The following ZNF695 variants were observed in gnomAD, a reference collection of about 807,000 sequenced individuals.
ZNF695 encodes zinc finger protein SBZF3.
A neutral mutation model predicts 11.2 loss-of-function variants in ZNF695; 11 were observed. The observed-to-expected ratio is 0.98, with a 90% CI of 0.62 to 1.62. The LOEUF is 1.62. ZNF695 is among the 40% of genes most tolerant of loss of function. The pLI is 0.00. For synonymous variants in ZNF695, 190 were observed against 201.4 expected (o/e 0.94, Z 0.48); for missense variants, 559 against 590.5 (o/e 0.95, Z 0.55).
At chr1:246,948,230 C>G (rs566837806) in intron 5 of ZNF695, among the ~76,000 whole-genome samples, 1 of 152,020 alleles carries the variant, frequency 6.6e-6, no homozygotes, top group Non-Finnish European at 1.5e-5. Flanking sequence ...CTCACCACCA[C>G]GCCTGGCTAA....
At chr1:246,993,174 C>T (rs1199334071) in intron 3 of ZNF695, among the ~76,000 whole-genome samples, 1 of 152,086 alleles carries the variant, frequency 6.6e-6, no homozygotes, top group South Asian at 2.1e-4. Context: ...TTTGGGAGGC[C>T]GAGGTTGGCA....
chr1:246,995,139 A>G (rs1018048), intron 3 of ZNF695, among the ~76,000 whole-genome samples: 91,171 of 152,030 alleles, frequency 0.6, 29,388 homozygotes, highest in East Asian at 0.98. Context: ...TCAACAGCTC[A>G]GAAAACATTC....
exon 6 of ZNF695, chr1:246,945,781 A>G: frequency 6.5e-7 from 1 of 1,550,336 alleles, no homozygotes; most frequent in Non-Finnish European, 8.7e-7. Flanking sequence ...GCAGCGACGG[A>G]ACCTCCGCAG....
chr1:246,977,360 G>C, intron 4 of ZNF695, among the ~76,000 whole-genome samples: 1 of 152,306 alleles, frequency 6.6e-6, no homozygotes, highest in East Asian at 1.9e-4. Flanking sequence ...GGGTTCAAGC[G>C]ATTCTCCTGC....
At chr1:246,983,539 C>G (rs1478650639), downstream of ZNF695, among the ~76,000 whole-genome samples, 1 of 151,876 alleles carries the variant, frequency 6.6e-6, no homozygotes, top group Non-Finnish European at 1.5e-5. Context: ...AATCTATTGG[C>G]TGGGCGCAGT....
rs147814545 is a variant in ZNF695 at position 246,971,603 on chromosome 1, C to T, written c.391-3811G>A. Among the ~76,000 whole-genome samples the T allele has an allele frequency of 2.6e-3, 400 of 152,282 alleles. 4 individuals are homozygous for T. Among genetic ancestry groups the T allele is most frequent in the African/African-American group, 9.2e-3 (384 of 41,574 alleles). ...AGGGCTCACACTCTTGCCTTCTGGT[C>T]GCTTCTCACTGTGTCCCTTCAGCTC... On this transcript the variant is annotated intron_variant, in intron 4 of 5. Transcript: ENST00000487338.
At chr1:246,966,875 G>A (rs1437685660) in intron 5 of ZNF695, 5 of 456,506 alleles carry the variant, frequency 1.1e-5, no homozygotes, top group Non-Finnish European at 2.2e-5. Flanking sequence ...GAGATGAGGA[G>A]TTATTGGAGG....
chr1:247,007,168 T>G (rs1163748599), intron 1 of ZNF695, among the ~76,000 whole-genome samples: 13 of 152,174 alleles, frequency 8.5e-5, no homozygotes, highest in Admixed American at 8.5e-4. Flanking sequence ...TTTGCTGGAA[T>G]AAACTCCTTA....
At chr1:246,949,270 G>T (rs1216177365) in intron 5 of ZNF695, among the ~76,000 whole-genome samples, 1 of 152,108 alleles carries the variant, frequency 6.6e-6, no homozygotes, top group Non-Finnish European at 1.5e-5. Context: ...GTTGGATCTA[G>T]TGAGACTAGT....
intron 4 of ZNF695, among the ~76,000 whole-genome samples, chr1:246,977,525 T>C (rs1443175619): frequency 2.0e-5 from 3 of 152,236 alleles, no homozygotes; most frequent in Non-Finnish European, 4.4e-5. Context: ...GTGCTGGAAT[T>C]ACAGGCATGA....
At chr1:247,005,957 G>A (rs969621341) in intron 1 of ZNF695, among the ~76,000 whole-genome samples, 10 of 152,194 alleles carry the variant, frequency 6.6e-5, no homozygotes, top group Non-Finnish European at 1.3e-4. Context: ...TGGGCACGGT[G>A]GCTCAAGCCT....
chr1:246,997,783 T>A (rs952741858), intron 3 of ZNF695, among the ~76,000 whole-genome samples: 2 of 152,140 alleles, frequency 1.3e-5, no homozygotes, highest in African/African-American at 4.8e-5. Flanking sequence ...AGTCGCTAAG[T>A]GAAATAAGCC....
intron 3 of ZNF695, among the ~76,000 whole-genome samples, chr1:246,991,289 G>A (rs1012647751): frequency 3.9e-5 from 6 of 151,986 alleles, no homozygotes; most frequent in African/African-American, 1.4e-4. Flanking sequence ...AACATATCAA[G>A]TTAAAAAGCT....
chr1:247,002,800 GCA>G (rs1558321887), intron 1 of ZNF695, among the ~76,000 whole-genome samples: 6 of 151,796 alleles, frequency 4.0e-5, no homozygotes, highest in Non-Finnish European at 8.8e-5. Flanking sequence ...AAAGGGGGGG[GCA>G]GCAAAGGACT....
In ZNF695 at chr1:246,948,439, C is replaced by A. The variant is rs115780229; in HGVS notation, c.489-2612G>T. Among the ~76,000 whole-genome samples the A allele has an allele frequency of 5.5e-3, 835 of 152,012 alleles. 11 individuals carry two copies. Among genetic ancestry groups the A allele is most frequent in the African/African-American group, 0.019 (787 of 41,434 alleles). ...ATCCCAAACTGTCTGTACGAGGCTG[C>A]GAGGAGATAAGGGGCTTGCACCAGA... On this transcript the variant is annotated intron_variant, in intron 5 of 5. Coordinates refer to the ZNF695 transcript ENST00000487338.
intron 5 of ZNF695, chr1:246,966,740 A>G (rs1572511669): frequency 2.2e-6 from 1 of 455,722 alleles, no homozygotes; most frequent in East Asian, 7.0e-5. Context: ...AGCTATGATC[A>G]CATCACTGCA....
At chr1:246,998,852 C>T (rs1468443837) in intron 3 of ZNF695, among the ~76,000 whole-genome samples, 2 of 152,042 alleles carry the variant, frequency 1.3e-5, no homozygotes, top group East Asian at 3.9e-4. Context: ...CCTGTAGTCC[C>T]AGCTACTCGG....
chr1:246,948,209 G>C (rs1667786901), intron 5 of ZNF695, among the ~76,000 whole-genome samples: 1 of 152,070 alleles, frequency 6.6e-6, no homozygotes, highest in Non-Finnish European at 1.5e-5. Flanking sequence ...GAGTAGCTGG[G>C]ATTACAGGCA....
intron 4 of ZNF695, among the ~76,000 whole-genome samples, chr1:246,970,615 C>T (rs919244796): frequency 8.5e-5 from 13 of 152,306 alleles, no homozygotes; most frequent in Admixed American, 5.2e-4. Flanking sequence ...AATTAATTGA[C>T]GGGAATCTAT....
Sources: gnomAD v4.1 joint callset for allele counts (sites outside exome capture counted in the v4.1 genomes callset) on GRCh38, gnomAD v4.1.1 for gene constraint, MANE v1.5 for transcripts, NCBI Gene and HGNC (gene_info 2026-07-23, HGNC 2026-07-21) for gene names.